SHISA5: variants seen among roughly 807,000 people sequenced by gnomAD.
SHISA5 encodes the protein protein shisa-5.
Under a neutral mutation model 27.5 loss-of-function variants are expected in SHISA5, and 21 were observed. The ratio of observed to expected loss-of-function variants is 0.76; its 90% CI spans 0.54 to 1.10. SHISA5 has a LOEUF of 1.10. Among genes scored for constraint, SHISA5 ranks in the 50% least tolerant of loss-of-function variants. The pLI, the probability that SHISA5 is intolerant of heterozygous loss-of-function variation, is 0.00. For missense variants in SHISA5, 314 were observed against 336.3 expected (o/e 0.93, Z 0.52); for synonymous variants, 137 against 142.2 (o/e 0.96, Z 0.26).
At chr3:48,502,582 GACCACAAGGTTTACAA>G (rs1236944992) in intron 1 of SHISA5, 1 of 349,070 alleles carries the variant, frequency 2.9e-6, no homozygotes, top group East Asian at 7.7e-5. Context: ...GTTTTTGGAT[GACCACAAGGTTTACAA>G]ACCTCCAGGA....
chr3:48,473,286 C>G lies in SHISA5; in HGVS notation c.315-3443G>C. ...AAGCAGAGGTGCCCCATTTGCCTCCCAGAGCTGCCTCCCTGAGCCAAGCCT... is the reference window on the plus strand; with the variant it reads ...AAGCAGAGGTGCCCCATTTGCCTCCGAGAGCTGCCTCCCTGAGCCAAGCCT... On this transcript the variant is annotated intron_variant, in intron 3 of 5. Coordinates refer to ENST00000296444, the MANE Select transcript of SHISA5 (RefSeq NM_016479.6). This position sits in a 1 kb window ranked among gnomAD's most constrained non-coding sequence, Gnocchi z 4.3. 1 of 1,395,980 alleles carries G rather than the reference C, an allele frequency of 7.2e-7. No homozygotes were observed. The allele number at this position is 1,395,980 out of a possible 1,614,324, so 86.5% of individuals were successfully genotyped here.
chr3:48,484,544 T>A (rs1297558077), intron 2 of SHISA5, among the ~76,000 whole-genome samples: 1 of 141,582 alleles, frequency 7.1e-6, no homozygotes. Flanking sequence ...TGCAGTGAGC[T>A]GAGATTGTGC....
rs2040458999 is a variant in SHISA5, at chr3:48,468,783, A to C, written c.*324T>G. The C allele has an allele frequency of 7.1e-7, 1 of 1,414,324 alleles. No individual in the cohort carries two copies. The highest frequency in any genetic ancestry group is 1.4e-5 in the African/African-American group (1 of 70,114). 87.6% of individuals were successfully genotyped at this position (1,414,324 alleles called of 1,614,324 possible). A position where few individuals can be genotyped will look rare whatever the true frequency, so the allele number is the denominator to read the frequency against. ...GAAGAACTCCAGATGTGCCCTGGAGAGGCCCCCACCTCTCAGGGGCCACCT... is the reference window on the plus strand; with the variant it reads ...GAAGAACTCCAGATGTGCCCTGGAGCGGCCCCCACCTCTCAGGGGCCACCT... On this transcript the variant is annotated 3_prime_UTR_variant, in exon 6 of 6. Transcript: ENST00000296444.
At position 48,468,937 on chromosome 3, in the gene SHISA5, A is replaced by G; in HGVS notation, c.*170T>C. The G allele has an allele frequency of 6.4e-7, 1 of 1,556,558 alleles. No individual in the cohort carries two copies. Among genetic ancestry groups the G allele is most frequent in the Non-Finnish European group, 8.6e-7 (1 of 1,158,542 alleles). On this transcript the variant is annotated 3_prime_UTR_variant, in exon 6 of 6. Transcript: ENST00000296444. ...GGCAAGGATTGTTCCCCACCTTGTC[A>G]GCATCAGAGGAAGCCACATATACAG...
At chr3:48,491,551 C>T (rs565379900) in intron 2 of SHISA5, among the ~76,000 whole-genome samples, 2 of 152,146 alleles carry the variant, frequency 1.3e-5, no homozygotes, top group Non-Finnish European at 2.9e-5. Flanking sequence ...GGGCGATGGT[C>T]ACTCATATTC....
chr3:48,483,855 G>A (rs113360505), intron 2 of SHISA5, among the ~76,000 whole-genome samples: 3 of 151,434 alleles, frequency 2.0e-5, no homozygotes, highest in Middle Eastern at 3.4e-3. Context: ...GCGGCTGGCC[G>A]GGCGGGGGGC....
intron 3 of SHISA5, among the ~76,000 whole-genome samples, chr3:48,477,795 T>G (rs981815432): frequency 6.6e-6 from 1 of 152,138 alleles, no homozygotes; most frequent in East Asian, 1.9e-4. Flanking sequence ...CTCCACACCC[T>G]GCCTTGTGGG....
In SHISA5 at chr3:48,470,040, T is replaced by C; in HGVS notation, c.315-197A>G. On this transcript the variant is annotated intron_variant, in intron 3 of 5. Coordinates refer to ENST00000296444, the MANE Select transcript of SHISA5 (RefSeq NM_016479.6). The surrounding 1 kb of genome is among the most constrained non-coding windows in gnomAD (Gnocchi z 4.3). ...GGGTATATGTGAGTCCCTGTAACTG[T>C]CTCTCCCTGGGTCTCCCCCGCTTGT... The C allele has an allele frequency of 1.5e-6, 1 of 675,678 alleles. No homozygotes were observed. Among genetic ancestry groups the C allele is most frequent in the Non-Finnish European group, 2.5e-6 (1 of 406,400 alleles). The allele number at this position is 675,678 out of a possible 1,614,324, so 41.9% of individuals were successfully genotyped here. A position where few individuals can be genotyped will look rare whatever the true frequency, so the allele number is the denominator to read the frequency against.
chr3:48,472,943 T>C (rs2040691137), intron 3 of SHISA5: 1 of 1,441,578 alleles, frequency 6.9e-7, no homozygotes, highest in African/African-American at 1.4e-5. Context: ...AAGGCCGTTA[T>C]CATCCCTCCA....
At chr3:48,479,498 C>T (rs2040933750) in intron 2 of SHISA5, 1 of 533,748 alleles carries the variant, frequency 1.9e-6, no homozygotes, top group Non-Finnish European at 3.3e-6. Flanking sequence ...CAAGTCTCAG[C>T]AGATTTTAGA....
chr3:48,487,912 C>CCAAAA (rs1337012883), intron 2 of SHISA5, among the ~76,000 whole-genome samples: 3 of 152,020 alleles, frequency 2.0e-5, no homozygotes, highest in Non-Finnish European at 4.4e-5. Flanking sequence ...CCAAACCAAA[C>CCAAAA]CAAAACAAAA....
Position 48,468,637 on chromosome 3 carries a change from G to A in SHISA5, c.*470C>T, listed in dbSNP as rs2040449873. On this transcript the variant is annotated 3_prime_UTR_variant, in exon 6 of 6. Transcript: ENST00000296444. Reference sequence around the variant, plus strand: ...AACGGGTACCCCCAACTCCGGGGACGAGCCATGGCCTCAAGCAGCAGCTGG... The same window carrying A: ...AACGGGTACCCCCAACTCCGGGGACAAGCCATGGCCTCAAGCAGCAGCTGG... 13 of 1,199,964 alleles carry A rather than the reference G, an allele frequency of 1.1e-5. No individual in the cohort carries two copies. Among genetic ancestry groups the A allele is most frequent in the South Asian group, 4.6e-5 (3 of 65,200 alleles). 74.3% of individuals were successfully genotyped at this position (1,199,964 alleles called of 1,614,324 possible). A position where few individuals can be genotyped will look rare whatever the true frequency, so the allele number is the denominator to read the frequency against.
rs1219948462 is a variant in SHISA5 at position 48,479,248 on chromosome 3, G to C, written c.243C>G (p.Ala81=). Residue 81 remains alanine, a synonymous_variant, in exon 3 of 6, where the codon GCC becomes GCG. Transcript: ENST00000296444. ...RCAVPEASVP[A]SVEPVEQLGS... is the part of the protein sequence containing the mutation. The stretch of plus-strand genomic sequence containing the variant: ...CCAGCTGCTCCACCGGCTCTACACT[G>C]GCAGGCACGCTGCAAACAGGAAACC... 1 of 1,607,520 alleles carries C rather than the reference G, an allele frequency of 6.2e-7. No individual in the cohort carries two copies. The highest frequency in any genetic ancestry group is 8.5e-7 in the Non-Finnish European group (1 of 1,178,688).
intron 2 of SHISA5, among the ~76,000 whole-genome samples, chr3:48,498,449 G>A (rs955341691): frequency 6.6e-6 from 1 of 152,182 alleles, no homozygotes; most frequent in Non-Finnish European, 1.5e-5. Flanking sequence ...CACTTTGGGA[G>A]TCCGAGGCAG....
At chr3:48,487,133 C>A (rs1249534908) in intron 2 of SHISA5, among the ~76,000 whole-genome samples, 2 of 150,554 alleles carry the variant, frequency 1.3e-5, no homozygotes, top group African/African-American at 2.4e-5. Flanking sequence ...CGCACACGCA[C>A]ACACACACAC....
At chr3:48,476,197 C>T (rs1374019567) in intron 3 of SHISA5, among the ~76,000 whole-genome samples, 3 of 152,066 alleles carry the variant, frequency 2.0e-5, no homozygotes, top group Non-Finnish European at 4.4e-5. Flanking sequence ...AAAAATTAGC[C>T]GGGCATGGTG....
upstream of SHISA5, chr3:48,504,632 T>G (rs1275666750): frequency 6.6e-6 from 1 of 152,440 alleles, no homozygotes. The surrounding 1 kb of genome is among the most constrained non-coding windows in gnomAD (Gnocchi z 4.0). Context: ...GCGCAGACCT[T>G]GGCACTCAGT....
chr3:48,468,005 C>A lies in SHISA5; in HGVS notation c.*1102G>T. ...GGAACACGAGGTATTCATGTCTGGG[C>A]CAGAGCTGCCATCCAGGGCCCCACA... On this transcript the variant is annotated 3_prime_UTR_variant, in exon 6 of 6. Transcript: ENST00000296444. The A allele has an allele frequency of 3.2e-6, 1 of 309,216 alleles. No individual in the cohort carries two copies. Among genetic ancestry groups the A allele is most frequent in the Non-Finnish European group, 5.1e-6 (1 of 194,314 alleles). The allele number at this position is 309,216 out of a possible 1,614,324, so 19.2% of individuals were successfully genotyped here. A position where few individuals can be genotyped will look rare whatever the true frequency, so the allele number is the denominator to read the frequency against.
At chr3:48,482,230 G>T (rs1365399593) in intron 2 of SHISA5, among the ~76,000 whole-genome samples, 1 of 151,904 alleles carries the variant, frequency 6.6e-6, no homozygotes, top group Non-Finnish European at 1.5e-5. Flanking sequence ...ATAGACTTCT[G>T]ACAAGACTAA....
Sources: gnomAD v4.1 joint callset for allele counts (sites outside exome capture counted in the v4.1 genomes callset) on GRCh38, gnomAD v4.1.1 for gene constraint, Gnocchi (gnomAD v3.1) non-coding constraint, MANE v1.5 for transcripts, NCBI Gene and HGNC (gene_info 2026-07-23, HGNC 2026-07-21) for gene names.